The following SPTLC3 variants were observed in gnomAD, a reference collection of about 807,000 sequenced individuals.
The protein encoded by SPTLC3 is serine palmitoyltransferase long chain base subunit 3.
SPTLC3 carries 36 observed loss-of-function variants against 59.3 expected under a neutral mutation model. The ratio of observed to expected loss-of-function variants is 0.61; its 90% CI spans 0.47 to 0.80. The LOEUF (loss-of-function observed/expected upper bound fraction) is 0.80, where lower values mean the gene tolerates loss of function less well. SPTLC3 is among the 30% of genes least tolerant of loss of function. The pLI, the probability that SPTLC3 is intolerant of heterozygous loss-of-function variation, is 0.00. For synonymous variants in SPTLC3, 257 were observed against 240.8 expected (o/e 1.07, Z -0.62); for missense variants, 625 against 685.1 (o/e 0.91, Z 0.98).
intron 1 of SPTLC3, 39 bp from the exon 2 acceptor site, chr20:13,048,906 A>G (rs769549082): frequency 1.3e-5 from 19 of 1,511,206 alleles, no homozygotes; most frequent in Non-Finnish European, 1.7e-5. Context: ...TATCTGTAAC[A>G]GGAGAATGCT....
chr20:13,024,517 G>GT (rs1273578876), intron 1 of SPTLC3, among the ~76,000 whole-genome samples: 5 of 151,724 alleles, frequency 3.3e-5, no homozygotes, highest in South Asian at 4.2e-4. Flanking sequence ...TTTTTCTATA[G>GT]TTTTTTTTCT....
chr20:13,068,499 C>T (rs6041837), intron 2 of SPTLC3, among the ~76,000 whole-genome samples: 40,571 of 152,072 alleles, frequency 0.27, 5,453 homozygotes, highest in Middle Eastern at 0.33. Flanking sequence ...GCGTTGGCTG[C>T]TCCTGAAGAA....
At chr20:13,098,146 T>C (rs930818786) in intron 6 of SPTLC3, among the ~76,000 whole-genome samples, 4 of 152,172 alleles carry the variant, frequency 2.6e-5, no homozygotes, top group Non-Finnish European at 5.9e-5. Flanking sequence ...TAAAACTATC[T>C]GGCTTTTTTA....
intron 9 of SPTLC3, among the ~76,000 whole-genome samples, chr20:13,150,591 G>A (rs747569354): frequency 2.6e-5 from 4 of 152,164 alleles, no homozygotes; most frequent in Non-Finnish European, 4.4e-5. Context: ...GTCCGGCTTT[G>A]TTTTCTCCCT....
intron 4 of SPTLC3, among the ~76,000 whole-genome samples, chr20:13,085,231 C>T (rs1988967080): frequency 6.6e-6 from 1 of 152,000 alleles, no homozygotes; most frequent in Non-Finnish European, 1.5e-5. Flanking sequence ...CAGACTATCT[C>T]GGAATATTGG....
At chr20:13,113,032 AATTAGCCAGGTGTGGTG>A (rs1441736343) in intron 7 of SPTLC3, among the ~76,000 whole-genome samples, 1 of 151,990 alleles carries the variant, frequency 6.6e-6, no homozygotes, top group Non-Finnish European at 1.5e-5. Context: ...AAAAGACAAA[AATTAGCCAGGTGTGGTG>A]GTGCACTCCC....
chr20:13,154,819 T>C (rs949430896), intron 10 of SPTLC3, among the ~76,000 whole-genome samples: 2 of 152,128 alleles, frequency 1.3e-5, no homozygotes, highest in African/African-American at 4.8e-5. Context: ...GCAGGGACAA[T>C]TTTATACATG....
chr20:13,017,318 T>C (rs1028575051), intron 1 of SPTLC3, among the ~76,000 whole-genome samples: 2 of 152,214 alleles, frequency 1.3e-5, no homozygotes, highest in African/African-American at 4.8e-5. Flanking sequence ...TGCCTCACTT[T>C]GAACAACTCT....
At chr20:13,061,955 C>T (rs1245501824) in intron 2 of SPTLC3, among the ~76,000 whole-genome samples, 4 of 152,166 alleles carry the variant, frequency 2.6e-5, no homozygotes, top group Non-Finnish European at 4.4e-5. Context: ...CTCTGCAGAA[C>T]GCAGCCTCTC....
intron 1 of SPTLC3, among the ~76,000 whole-genome samples, chr20:13,014,394 C>T (rs991178344): frequency 6.6e-6 from 1 of 152,100 alleles, no homozygotes. Flanking sequence ...GCAGAGTAGC[C>T]AGTTGTACAG....
At chr20:13,023,374 CTG>C (rs1391881640) in intron 1 of SPTLC3, among the ~76,000 whole-genome samples, 1 of 152,148 alleles carries the variant, frequency 6.6e-6, no homozygotes, top group Admixed American at 6.5e-5. Context: ...CACATTTAGA[CTG>C]TGAGGTCCAC....
At chr20:13,147,306 T>G (rs886066970) in intron 9 of SPTLC3, among the ~76,000 whole-genome samples, 4 of 152,188 alleles carry the variant, frequency 2.6e-5, no homozygotes, top group Admixed American at 2.0e-4. Context: ...AAATGTTCTT[T>G]TCTCCACCCC....
chr20:13,090,026 T>C (rs1314021413), intron 4 of SPTLC3, among the ~76,000 whole-genome samples: 1 of 152,152 alleles, frequency 6.6e-6, no homozygotes, highest in Non-Finnish European at 1.5e-5. Context: ...AAATTTGAAA[T>C]TCAGTTTCTC....
chr20:13,009,547 G>C (rs922105470), intron 1 of SPTLC3, among the ~76,000 whole-genome samples, 163 bp downstream of exon 1: 6 of 152,208 alleles, frequency 3.9e-5, no homozygotes, highest in African/African-American at 1.2e-4. Context: ...CTACCAAAAA[G>C]TTTAGGTGTG....
chr20:13,114,501 G>A (rs890681568), intron 7 of SPTLC3, among the ~76,000 whole-genome samples: 7 of 152,144 alleles, frequency 4.6e-5, no homozygotes, highest in African/African-American at 1.7e-4. Flanking sequence ...ATAATAGTCA[G>A]CTCTTCTAAA....
At chr20:13,026,805 T>C (rs1334323847) in intron 1 of SPTLC3, among the ~76,000 whole-genome samples, 2 of 152,154 alleles carry the variant, frequency 1.3e-5, no homozygotes. Flanking sequence ...ATGCCCTTTT[T>C]CTGAGAACTT....
At chr20:13,065,837 T>C (rs6041833) in intron 2 of SPTLC3, among the ~76,000 whole-genome samples, 62,010 of 151,730 alleles carry the variant, frequency 0.41, 12,794 homozygotes, top group Middle Eastern at 0.56. Flanking sequence ...CTTTGATATA[T>C]ATATACATTG....
At position 13,072,415 on chromosome 20, in the gene SPTLC3, G is replaced by C; in HGVS notation, c.458+5G>C. On this transcript the variant is annotated splice_donor_5th_base_variant and intron_variant, in intron 3 of 11. Transcript: ENST00000399002. ...CGACTATAACTGGACGTTTAGGTGA[G>C]AGAACTTCTTGGAGGGGATTGGTGA... The C allele has an allele frequency of 3.8e-6, 6 of 1,572,776 alleles. No individual in the cohort carries two copies. Among genetic ancestry groups the C allele is most frequent in the Non-Finnish European group, 5.2e-6 (6 of 1,162,676 alleles).
At chr20:13,158,808 C>T (rs1207406575) in intron 10 of SPTLC3, among the ~76,000 whole-genome samples, 1 of 152,164 alleles carries the variant, frequency 6.6e-6, no homozygotes, top group Non-Finnish European at 1.5e-5. Context: ...TCTGAAACAA[C>T]CAAAAGGCAG....
Sources: allele counts gnomAD v4.1 joint callset (sites outside exome capture counted in the v4.1 genomes callset), GRCh38; gene constraint gnomAD v4.1.1; transcripts MANE v1.5; gene names NCBI Gene and HGNC (gene_info 2026-07-23, HGNC 2026-07-21).